The following ANTXR1 variants were observed in gnomAD, a reference collection of about 807,000 sequenced individuals.
ANTXR1 encodes the protein anthrax toxin receptor 1.
In ANTXR1, 19 loss-of-function variants were observed where a neutral mutation model predicts 78.1. The ratio of observed to expected loss-of-function variants is 0.24; its 90% CI spans 0.17 to 0.36. The LOEUF is 0.36. Ranked by LOEUF, ANTXR1 falls within the 10% of genes least tolerant of loss-of-function variation. The probability of loss-of-function intolerance (pLI) is 1.00; values close to 1 mark genes in which losing one functional copy is unlikely to be tolerated. For synonymous variants in ANTXR1, 273 were observed against 260.5 expected, an observed-to-expected ratio of 1.05 and a Z score of -0.46; for missense variants, 518 against 718.6, an observed-to-expected ratio of 0.72 and a Z score of 3.19.
intron 12 of ANTXR1, among the ~76,000 whole-genome samples, chr2:69,128,276 C>T (rs939162208): frequency 6.6e-6 from 1 of 151,354 alleles, no homozygotes; most frequent in Non-Finnish European, 1.5e-5. Flanking sequence ...ATTTCCCAAT[C>T]GATAAAACTA....
intron 8 of ANTXR1, among the ~76,000 whole-genome samples, chr2:69,081,019 A>G (rs1036059269): frequency 2.6e-5 from 4 of 152,242 alleles, no homozygotes; most frequent in Non-Finnish European, 5.9e-5. Flanking sequence ...TCTAGACATC[A>G]TGGCACTCAG....
At chr2:69,162,625 T>A (rs62134416) in intron 13 of ANTXR1, among the ~76,000 whole-genome samples, 76,257 of 151,918 alleles carry the variant, frequency 0.5, 19,714 homozygotes, top group East Asian at 0.77. Context: ...ATTTATTACT[T>A]GGGCCCTTGG....
At chr2:69,112,968 G>A (rs1476147111) in intron 10 of ANTXR1, among the ~76,000 whole-genome samples, 1 of 152,202 alleles carries the variant, frequency 6.6e-6, no homozygotes, top group East Asian at 1.9e-4. Context: ...TTTCAGTTGG[G>A]AGTAAAAGAG....
intron 13 of ANTXR1, among the ~76,000 whole-genome samples, chr2:69,164,187 G>A (rs150819445): frequency 3.9e-5 from 6 of 152,180 alleles, no homozygotes; most frequent in Non-Finnish European, 8.8e-5. Flanking sequence ...GGGATGAAAG[G>A]GGGTATAGGT....
intron 17 of ANTXR1, among the ~76,000 whole-genome samples, chr2:69,221,711 A>G (rs935476921): frequency 6.6e-6 from 1 of 151,992 alleles, no homozygotes; most frequent in Non-Finnish European, 1.5e-5. Flanking sequence ...TTCCTGTTGC[A>G]TCACCTCAAA....
At chr2:69,241,971 G>A (rs984714767) in intron 17 of ANTXR1, among the ~76,000 whole-genome samples, 3 of 152,164 alleles carry the variant, frequency 2.0e-5, no homozygotes, top group African/African-American at 7.2e-5. Context: ...TGGGGGCCAC[G>A]CAGAAGCTCT....
At chr2:69,228,386 G>A (rs971672806) in intron 17 of ANTXR1, among the ~76,000 whole-genome samples, 27 of 152,140 alleles carry the variant, frequency 1.8e-4, no homozygotes, top group African/African-American at 6.5e-4. Context: ...TCTTTTCATG[G>A]CTATGCTTCT....
chr2:69,245,677 AATG>A lies in ANTXR1; in HGVS notation c.*197_*199del, dbSNP rs1676006736. On this transcript the variant is annotated 3_prime_UTR_variant, in exon 18 of 18. Coordinates refer to ENST00000303714, the MANE Select transcript of ANTXR1 (RefSeq NM_032208.3). ...AGATATTTTAAATTGCCAGAAAACA[AATG>A]ATGAGGCAACTACAGTCAGATTTAT... 1.4e-6 allele frequency: 1 copy of A among 735,972 alleles called. No individual in the cohort carries two copies. The highest frequency in any genetic ancestry group is 2.7e-5 in the East Asian group (1 of 36,802). 45.6% of individuals were successfully genotyped at this position (735,972 alleles called of 1,614,324 possible).
chr2:69,069,020 G>C (rs1670488270), intron 3 of ANTXR1, among the ~76,000 whole-genome samples: 1 of 152,138 alleles, frequency 6.6e-6, no homozygotes, highest in African/African-American at 2.4e-5. Flanking sequence ...ATTGAAAAGA[G>C]AATAGTCAGT....
chr2:69,071,909 GAC>G (rs2104211137), intron 5 of ANTXR1, 122 bp downstream of exon 5: 1 of 925,536 alleles, frequency 1.1e-6, no homozygotes. Flanking sequence ...GTAATTCTTA[GAC>G]ACACATTTCA....
At chr2:69,017,225 T>A (rs758796857) in intron 1 of ANTXR1, among the ~76,000 whole-genome samples, 8 of 152,084 alleles carry the variant, frequency 5.3e-5, no homozygotes, top group Non-Finnish European at 1.0e-4. Flanking sequence ...GGGTGGTCGC[T>A]AAAGACATGA....
At chr2:69,132,086 T>C (rs569457091) in intron 12 of ANTXR1, among the ~76,000 whole-genome samples, 70 of 152,204 alleles carry the variant, frequency 4.6e-4, no homozygotes, top group Non-Finnish European at 7.4e-5. Context: ...AGCAGAACCA[T>C]AGAGACTGAT....
At chr2:69,150,869 A>T (rs984062470) in intron 12 of ANTXR1, among the ~76,000 whole-genome samples, 2 of 151,974 alleles carry the variant, frequency 1.3e-5, no homozygotes, top group African/African-American at 2.4e-5. Flanking sequence ...AAACAAAAAA[A>T]AATAATTAGC....
At chr2:69,202,276 A>G (rs1457374290) in intron 17 of ANTXR1, among the ~76,000 whole-genome samples, 1 of 152,240 alleles carries the variant, frequency 6.6e-6, no homozygotes, top group Non-Finnish European at 1.5e-5. Context: ...ATGGAAGCCA[A>G]GGGAAAATAA....
intron 17 of ANTXR1, among the ~76,000 whole-genome samples, chr2:69,243,824 C>T (rs1173077063): frequency 1.3e-5 from 2 of 152,156 alleles, no homozygotes; most frequent in African/African-American, 4.8e-5. Flanking sequence ...AGCCCCAGGC[C>T]CAGCATAGAG....
Position 69,147,835 on chromosome 2 carries a change from G to C in ANTXR1, c.952-4334G>C, listed in dbSNP as rs367983161. On this transcript the variant is annotated intron_variant, in intron 12 of 17. Transcript: ENST00000303714. ...TCTCAGTTTTCCTTACCTGCAAAAG[G>C]GGGTAACAGTTCCTACAAGGCTGTT... is the stretch of plus-strand genomic sequence containing the variant. Among the ~76,000 whole-genome samples the C allele has an allele frequency of 8.5e-5, 13 of 152,264 alleles. No individual in the cohort carries two copies. The East Asian group carries it at 2.1e-3, about 25-fold the overall frequency.
chr2:69,027,640 A>ATGTG (rs1553430956), intron 1 of ANTXR1, among the ~76,000 whole-genome samples: 184 of 100,276 alleles, frequency 1.8e-3, no homozygotes, highest in East Asian at 0.016. Flanking sequence ...GTGTGTGTGT[A>ATGTG]TGTGTGTGTG....
intron 1 of ANTXR1, among the ~76,000 whole-genome samples, chr2:69,014,765 G>A (rs1024810407): frequency 6.6e-6 from 1 of 152,194 alleles, no homozygotes; most frequent in Non-Finnish European, 1.5e-5. Flanking sequence ...AAAGAGTCCT[G>A]CAAAATAAGC....
chr2:69,150,413 T>C (rs1673360255), intron 12 of ANTXR1, among the ~76,000 whole-genome samples: 1 of 152,186 alleles, frequency 6.6e-6, no homozygotes, highest in African/African-American at 2.4e-5. Flanking sequence ...ATAGATCCCC[T>C]GCCCCTGGAT....
Sources: allele counts gnomAD v4.1 joint callset (sites outside exome capture counted in the v4.1 genomes callset), GRCh38; gene constraint gnomAD v4.1.1; transcripts MANE v1.5; gene names NCBI Gene and HGNC (gene_info 2026-07-23, HGNC 2026-07-21).